Variants in SNX29 observed in about 807,000 individuals in gnomAD.
SNX29 encodes sorting nexin 29.
Under a neutral mutation model 102.1 loss-of-function variants are expected in SNX29, and 78 were observed. The ratio of observed to expected loss-of-function variants is 0.76; its 90% CI spans 0.64 to 0.92. The LOEUF is 0.92. SNX29 is among the 40% of genes least tolerant of loss of function. The pLI is 0.00. For synonymous variants in SNX29, 580 were observed against 414.5 expected, an observed-to-expected ratio of 1.40 and a Z score of -4.85; for missense variants, 1,280 against 1,061.7, an observed-to-expected ratio of 1.21 and a Z score of -2.86.
In SNX29 at chr16:12,240,295, A is replaced by G. The variant is rs145361946; in HGVS notation, c.1679-37638A>G. On this transcript the variant is annotated intron_variant, in intron 14 of 20. Transcript: ENST00000566228. ...AAAGACTGTCAACATGCTTCCCAGA[A>G]AAACATGTATTGACGCCAGCTGTGT... Among the ~76,000 whole-genome samples, 11 of 152,350 alleles carry G rather than the reference A, an allele frequency of 7.2e-5. No homozygotes were observed. In the East Asian group the frequency reaches 1.7e-3, roughly 24 times the overall value.
At chr16:12,335,313 C>A (rs972527675) in intron 15 of SNX29, among the ~76,000 whole-genome samples, 1 of 152,026 alleles carries the variant, frequency 6.6e-6, no homozygotes, top group South Asian at 2.1e-4. Flanking sequence ...ACTCTTGCTG[C>A]TGGGAGTATA....
chr16:12,044,054 A>G (rs8052866), intron 5 of SNX29, among the ~76,000 whole-genome samples: 58,055 of 152,020 alleles, frequency 0.38, 11,609 homozygotes, highest in Middle Eastern at 0.45. Context: ...GTGGCTGGCC[A>G]TGGCCATTAG....
intron 20 of SNX29, among the ~76,000 whole-genome samples, chr16:12,534,154 C>T (rs968224984): frequency 5.3e-5 from 8 of 152,234 alleles, no homozygotes; most frequent in South Asian, 2.1e-4. Context: ...CTCAGGGCAG[C>T]GCGGCCTCTG....
intron 20 of SNX29, chr16:12,560,750 A>C (rs912127474): frequency 1.2e-5 from 2 of 171,490 alleles, no homozygotes; most frequent in Non-Finnish European, 2.5e-5. Context: ...TCTGCTCCTG[A>C]TTAGCCATAG....
intron 18 of SNX29, among the ~76,000 whole-genome samples, chr16:12,439,589 A>G (rs1270200769): frequency 6.6e-6 from 1 of 152,082 alleles, no homozygotes; most frequent in African/African-American, 2.4e-5. Flanking sequence ...ATCTCGTGAG[A>G]CTCATTCACT....
intron 20 of SNX29, among the ~76,000 whole-genome samples, chr16:12,548,955 T>A (rs549891394): frequency 6.6e-6 from 1 of 152,332 alleles, no homozygotes; most frequent in East Asian, 1.9e-4. Context: ...TAGGGAACTC[T>A]CAAGCAACAG....
intron 13 of SNX29, among the ~76,000 whole-genome samples, chr16:12,161,060 C>G (rs996716159): frequency 1.3e-5 from 2 of 152,212 alleles, no homozygotes; most frequent in African/African-American, 4.8e-5. Flanking sequence ...ACATTTTTGA[C>G]AGAGATACAG....
At chr16:12,567,583 A>C (rs1452256970) in intron 20 of SNX29, among the ~76,000 whole-genome samples, 2 of 152,096 alleles carry the variant, frequency 1.3e-5, no homozygotes, top group East Asian at 1.9e-4. Context: ...CAGCCTGGAC[A>C]AGAGCAAGAC....
chr16:12,327,013 G>A (rs1043601968), intron 15 of SNX29, among the ~76,000 whole-genome samples: 2 of 152,178 alleles, frequency 1.3e-5, no homozygotes, highest in Non-Finnish European at 2.9e-5. Flanking sequence ...TGACCGATGG[G>A]GCTGATGGGC....
chr16:12,491,757 C>T (rs2088560463), intron 19 of SNX29, among the ~76,000 whole-genome samples: 2 of 152,052 alleles, frequency 1.3e-5, no homozygotes, highest in Non-Finnish European at 2.9e-5. Flanking sequence ...TCAATTCCCA[C>T]CTATAAGTGA....
chr16:12,508,907 G>A (rs1420930061), intron 19 of SNX29, among the ~76,000 whole-genome samples: 7 of 152,178 alleles, frequency 4.6e-5, no homozygotes, highest in Non-Finnish European at 7.3e-5. Flanking sequence ...TCCCTACACT[G>A]TGGGGTCCTG....
Position 12,061,629 on chromosome 16 carries a change from G to A in SNX29, c.1226G>A (p.Gly409Asp), listed in dbSNP as rs2050780042. ...SDILFPVSGV[G>D]SYSPADAPLG... is the part of the protein sequence containing the mutation. ...ATCCTCTTCCCTGTCAGTGGCGTGG[G>A]CTCCTACAGCCCAGCAGGTGGGTGT... The change falls in exon 9 of 21, where the codon GGC becomes GAC. Residue 409 changes from glycine to aspartate, a missense_variant. Transcript: ENST00000566228. 1 of 1,611,496 alleles carries A rather than the reference G, an allele frequency of 6.2e-7. No individual in the cohort carries two copies. Among genetic ancestry groups the A allele is most frequent in the Non-Finnish European group, 8.5e-7 (1 of 1,179,144 alleles).
At chr16:12,567,460 C>A (rs2079058845) in intron 20 of SNX29, among the ~76,000 whole-genome samples, 1 of 152,136 alleles carries the variant, frequency 6.6e-6, no homozygotes, top group Non-Finnish European at 1.5e-5. Context: ...TTTATGTGTC[C>A]CCTTATCTAG....
intron 20 of SNX29, among the ~76,000 whole-genome samples, chr16:12,553,001 C>T (rs562547887): frequency 6.6e-6 from 1 of 152,342 alleles, no homozygotes; most frequent in South Asian, 2.1e-4. Flanking sequence ...GGGCTGAAAT[C>T]AGGAGAGTGG....
intron 18 of SNX29, among the ~76,000 whole-genome samples, chr16:12,459,694 G>C (rs1294274908): frequency 6.6e-6 from 1 of 152,258 alleles, no homozygotes; most frequent in Admixed American, 6.5e-5. Flanking sequence ...GGATCCCTTG[G>C]GTGTGCAGAG....
chr16:12,315,857 G>T (rs1353510839), intron 15 of SNX29, among the ~76,000 whole-genome samples: 1 of 152,226 alleles, frequency 6.6e-6, no homozygotes, highest in Non-Finnish European at 1.5e-5. Flanking sequence ...CTATAGGACT[G>T]TCAATATTGT....
chr16:12,110,414 G>A (rs1472972941), intron 11 of SNX29, among the ~76,000 whole-genome samples: 1 of 152,132 alleles, frequency 6.6e-6, no homozygotes, highest in Non-Finnish European at 1.5e-5. Flanking sequence ...CTTTTCTCCA[G>A]GTGAGTGGGT....
At chr16:12,233,023 A>G (rs557927713) in intron 14 of SNX29, among the ~76,000 whole-genome samples, 4 of 152,188 alleles carry the variant, frequency 2.6e-5, no homozygotes, top group Non-Finnish European at 5.9e-5. Flanking sequence ...AAGTCACCAC[A>G]GTTCTGGATG....
intron 14 of SNX29, among the ~76,000 whole-genome samples, chr16:12,220,639 A>G (rs1045048513): frequency 5.9e-5 from 9 of 152,192 alleles, no homozygotes; most frequent in Admixed American, 3.9e-4. Flanking sequence ...TTCTGCCTTT[A>G]AAGGGATGGT....
Sources: gnomAD v4.1 joint callset for allele counts (sites outside exome capture counted in the v4.1 genomes callset) on GRCh38, gnomAD v4.1.1 for gene constraint, MANE v1.5 for transcripts, NCBI Gene and HGNC (gene_info 2026-07-23, HGNC 2026-07-21) for gene names.